PRKN: variants seen among roughly 807,000 people sequenced by gnomAD.
PRKN encodes the protein E3 ubiquitin-protein ligase parkin.
PRKN carries 56 observed loss-of-function variants against 59.5 expected under a neutral mutation model. The observed-to-expected ratio is 0.94, with a 90% CI of 0.76 to 1.18. The LOEUF (loss-of-function observed/expected upper bound fraction) is 1.18. Among genes scored for constraint, PRKN ranks in the 50% most tolerant of loss-of-function variants. PRKN has a pLI of 0.00. For missense variants in PRKN, 657 were observed against 596.4 expected, an observed-to-expected ratio of 1.10 and a Z score of -1.06; for synonymous variants, 250 against 222.1, an observed-to-expected ratio of 1.13 and a Z score of -1.12.
chr6:161,374,390 G>GGTGTGGTGT, intron 10 of PRKN, among the ~76,000 whole-genome samples: 1 of 148,642 alleles, frequency 6.7e-6, no homozygotes, highest in Non-Finnish European at 1.5e-5. Context: ...GGTGTATGTG[G>GGTGTGGTGT]ATGTGGTGTG....
At chr6:162,111,354 A>G (rs1364492647) in intron 4 of PRKN, among the ~76,000 whole-genome samples, 1 of 151,992 alleles carries the variant, frequency 6.6e-6, no homozygotes, top group African/African-American at 2.4e-5. Flanking sequence ...AGTCCCAGCT[A>G]CTCGGGAGGC....
At chr6:162,606,324 C>T (rs542875076) in intron 1 of PRKN, among the ~76,000 whole-genome samples, 35 of 152,244 alleles carry the variant, frequency 2.3e-4, no homozygotes, top group African/African-American at 7.5e-4. Flanking sequence ...ATGCTTAGAG[C>T]GCTTAGATTA....
chr6:161,847,647 A>G (rs1212689717), intron 6 of PRKN, among the ~76,000 whole-genome samples: 1 of 151,326 alleles, frequency 6.6e-6, no homozygotes, highest in Non-Finnish European at 1.5e-5. Flanking sequence ...TGCCTTTTTA[A>G]TGCAAAATTA....
intron 6 of PRKN, among the ~76,000 whole-genome samples, chr6:161,922,555 G>A (rs1250170507): frequency 1.3e-5 from 2 of 152,124 alleles, no homozygotes; most frequent in Non-Finnish European, 2.9e-5. Context: ...TTACCTAGGT[G>A]CTGAACCAGA....
chr6:161,556,188 T>G (rs114053993), intron 8 of PRKN, among the ~76,000 whole-genome samples: 1,735 of 152,306 alleles, frequency 0.011, 31 homozygotes, highest in African/African-American at 0.04. Context: ...TTATTAAAAA[T>G]TATTGTTATT....
At chr6:162,217,915 C>G (rs1050758227) in intron 3 of PRKN, among the ~76,000 whole-genome samples, 1 of 152,106 alleles carries the variant, frequency 6.6e-6, no homozygotes, top group Non-Finnish European at 1.5e-5. Flanking sequence ...TATCCGACTT[C>G]TAAGTAGGAG....
intron 1 of PRKN, among the ~76,000 whole-genome samples, chr6:162,623,183 T>C (rs1204661464): frequency 6.6e-6 from 1 of 152,206 alleles, no homozygotes; most frequent in Non-Finnish European, 1.5e-5. Flanking sequence ...ATAACAGAAT[T>C]CACTCGGTTT....
At chr6:161,687,711 C>T (rs1010507426) in intron 7 of PRKN, among the ~76,000 whole-genome samples, 4 of 151,930 alleles carry the variant, frequency 2.6e-5, no homozygotes, top group Non-Finnish European at 5.9e-5. Context: ...CTGCCTCAGC[C>T]TCTCAAAGTG....
At chr6:161,979,522 C>T (rs915294693) in intron 5 of PRKN, among the ~76,000 whole-genome samples, 1 of 152,154 alleles carries the variant, frequency 6.6e-6, no homozygotes, top group African/African-American at 2.4e-5. Context: ...GATCCACCCA[C>T]CTCAGCCTTT....
chr6:161,903,745 A>G (rs569890126), intron 6 of PRKN, among the ~76,000 whole-genome samples: 177 of 152,166 alleles, frequency 1.2e-3, no homozygotes, highest in African/African-American at 4.1e-3. Context: ...GGAAAGAGAT[A>G]AAGAAAGTGT....
Position 161,864,080 on chromosome 6 carries a change from T to C in PRKN, c.735-78172A>G, listed in dbSNP as rs1006680100. ...TGGTTGCTGAAGATTGGGGTGACTA[T>C]AGTGGTTCCATACAATAAAACGAAG... On this transcript the variant is annotated intron_variant, in intron 6 of 11. Coordinates refer to ENST00000366898, the MANE Select transcript of PRKN (RefSeq NM_004562.3). 3.9e-5 allele frequency among the ~76,000 whole-genome samples: 6 copies of C among 152,192 alleles called. 1 individual carries two copies. The highest frequency in any genetic ancestry group is 7.3e-5 in the Non-Finnish European group (5 of 68,036).
rs567983494 is a variant in PRKN, at chr6:162,595,513, C to T, written c.7+132149G>A. ...TCAGGTGATCCACCTGCCGCAGCCT[C>T]CCAAAGTGCTGGGATTACAGGCGTG... On this transcript the variant is annotated intron_variant, in intron 1 of 11. Coordinates refer to ENST00000366898, the MANE Select transcript of PRKN (RefSeq NM_004562.3). 4.7e-4 allele frequency among the ~76,000 whole-genome samples: 71 copies of T among 152,242 alleles called. No individual in the cohort carries two copies. The South Asian group carries it at 6.8e-3, about 15-fold the overall frequency.
At chr6:162,018,056 T>C (rs867678413) in intron 5 of PRKN, among the ~76,000 whole-genome samples, 2 of 152,158 alleles carry the variant, frequency 1.3e-5, no homozygotes, top group South Asian at 4.1e-4. Flanking sequence ...AGACGGAGTC[T>C]TGCTCTGTCA....
rs57908717 is a variant in PRKN at position 161,550,738 on chromosome 6, C to CGTGTGT, written c.934-1741_934-1736dup. 0.13 allele frequency among the ~76,000 whole-genome samples: 18,589 copies of CGTGTGT among 146,210 alleles called. 1,261 individuals carry two copies. Among genetic ancestry groups the CGTGTGT allele is most frequent in the African/African-American group, 0.19 (7,234 of 38,706 alleles). On this transcript the variant is annotated intron_variant, in intron 8 of 11. Coordinates refer to ENST00000366898, the MANE Select transcript of PRKN (RefSeq NM_004562.3). This position sits in a 1 kb window ranked among gnomAD's most constrained non-coding sequence, Gnocchi z 4.0. ...AAGAAAGGGTATGTGTGTGTGTGCA[C>CGTGTGT]GTGTGTGTGTGTGTGTGTGTGTGTA...
At chr6:162,281,142 T>C (rs1284676656) in intron 2 of PRKN, among the ~76,000 whole-genome samples, 1 of 151,926 alleles carries the variant, frequency 6.6e-6, no homozygotes, top group Non-Finnish European at 1.5e-5. Flanking sequence ...CTGGAAACCA[T>C]CATTCTGACA....
In PRKN at chr6:162,507,442, T is replaced by C. The variant is rs541235653; in HGVS notation, c.8-63969A>G. Reference sequence around the variant, plus strand: ...AAGAAAAGAAAAAAAATTATATATATATACGCATATTCCTTAAGGTTAAAA... The same window carrying C: ...AAGAAAAGAAAAAAAATTATATATACATACGCATATTCCTTAAGGTTAAAA... On this transcript the variant is annotated intron_variant, in intron 1 of 11. Coordinates refer to ENST00000366898, the MANE Select transcript of PRKN (RefSeq NM_004562.3). Among the ~76,000 whole-genome samples, 5 of 152,220 alleles carry C rather than the reference T, an allele frequency of 3.3e-5. No individual in the cohort carries two copies. In the South Asian group the frequency reaches 1.0e-3, roughly 32 times the overall value.
chr6:162,462,717 A>G (rs1405086850), intron 1 of PRKN, among the ~76,000 whole-genome samples: 1 of 152,192 alleles, frequency 6.6e-6, no homozygotes, highest in African/African-American at 2.4e-5. Context: ...AATATTACGG[A>G]TCCACCAGAT....
intron 4 of PRKN, among the ~76,000 whole-genome samples, chr6:162,080,163 G>C (rs1179685334): frequency 2.6e-5 from 4 of 152,064 alleles, no homozygotes; most frequent in Admixed American, 6.5e-5. Context: ...TTTCTAAAGA[G>C]AGAGTGCAAT....
chr6:161,403,281 A>T (rs772521947), intron 9 of PRKN, among the ~76,000 whole-genome samples: 9 of 152,126 alleles, frequency 5.9e-5, no homozygotes, highest in African/African-American at 2.2e-4. Context: ...CTATATTTTT[A>T]AAAATTGCCT....
Sources: allele counts gnomAD v4.1 joint callset (sites outside exome capture counted in the v4.1 genomes callset), GRCh38; gene constraint gnomAD v4.1.1; non-coding constraint Gnocchi (gnomAD v3.1); transcripts MANE v1.5; gene names NCBI Gene and HGNC (gene_info 2026-07-23, HGNC 2026-07-21).